RRAS2: variants seen among roughly 807,000 people sequenced by gnomAD.
RRAS2 encodes the protein RAS related 2, also known as ras-related protein R-Ras2.
RRAS2 carries 7 observed loss-of-function variants against 27.6 expected under a neutral mutation model. The ratio of observed to expected loss-of-function variants is 0.25; its 90% CI spans 0.14 to 0.48. RRAS2 has a LOEUF of 0.48. Among genes scored for constraint, RRAS2 ranks in the 20% least tolerant of loss-of-function variants. The pLI is 0.99. For missense variants in RRAS2, 178 were observed against 256.2 expected, an observed-to-expected ratio of 0.69 and a Z score of 2.08; for synonymous variants, 86 against 90.9, an observed-to-expected ratio of 0.95 and a Z score of 0.31.
chr11:14,349,585 C>G (rs1591489411), intron 1 of RRAS2, among the ~76,000 whole-genome samples: 1 of 152,290 alleles, frequency 6.6e-6, no homozygotes, highest in Non-Finnish European at 1.5e-5. Context: ...CAGTGAGAAA[C>G]TGGCTCCCAT....
intron 4 of RRAS2, among the ~76,000 whole-genome samples, chr11:14,284,265 C>T (rs1316015969): frequency 1.3e-5 from 2 of 151,968 alleles, no homozygotes; most frequent in Non-Finnish European, 2.9e-5. Context: ...TTTGTAATTT[C>T]CCTTTTCATT....
At chr11:14,333,639 A>T (rs1321695662) in intron 1 of RRAS2, among the ~76,000 whole-genome samples, 3 of 129,834 alleles carry the variant, frequency 2.3e-5, no homozygotes, top group African/African-American at 5.8e-5. Context: ...TGTTTTCCCC[A>T]CCCCCACCCT....
At position 14,294,783 on chromosome 11, in the gene RRAS2, G is replaced by A; in HGVS notation, c.276C>T (p.Val92=). 1 of 1,613,674 alleles carries A rather than the reference G, an allele frequency of 6.2e-7. No homozygotes were observed. The highest frequency in any genetic ancestry group is 8.5e-7 in the Non-Finnish European group (1 of 1,179,850). ...YMRTGEGFLL[V]FSVTDRGSFE... ...ACCTGCCTCTATCTGTGACTGAAAA[G>A]ACCAACAGGAAGCCTTCGCCAGTCC... The change falls in exon 3 of 6, where the codon GTC becomes GTT. Residue 92 remains valine, a synonymous_variant. Coordinates refer to ENST00000256196, the MANE Select transcript of RRAS2 (RefSeq NM_012250.6).
intron 1 of RRAS2, among the ~76,000 whole-genome samples, chr11:14,298,945 A>G (rs1847627368): frequency 1.3e-5 from 2 of 152,214 alleles, no homozygotes; most frequent in African/African-American, 4.8e-5. Context: ...CAGATCACCA[A>G]TAAGTAATCA....
chr11:14,337,350 CATTATCATGCCTCAACAAGCCAT>C (rs1848609268), intron 1 of RRAS2, among the ~76,000 whole-genome samples: 1 of 152,098 alleles, frequency 6.6e-6, no homozygotes, highest in Non-Finnish European at 1.5e-5. Context: ...CAACTGTTGA[CATTATCATGCCTCAACAAGCCAT>C]ATCATCATGC....
In RRAS2 at chr11:14,358,741, C is replaced by A; in HGVS notation, c.108+22G>T. ...CCCGCCCGCCGCCGCTCCGGCGCCC[C>A]GGGCAGGCCCGCTCCAGGTACCTGG... On this transcript the variant is annotated intron_variant, in intron 1 of 5. Transcript: ENST00000256196. This position sits in a 1 kb window ranked among gnomAD's most constrained non-coding sequence, Gnocchi z 5.1. The A allele has an allele frequency of 2.3e-6, 3 of 1,308,156 alleles. No individual in the cohort carries two copies. Among genetic ancestry groups the A allele is most frequent in the South Asian group, 4.1e-5 (2 of 49,100 alleles). 81.0% of individuals were successfully genotyped at this position (1,308,156 alleles called of 1,614,324 possible).
In RRAS2 at chr11:14,352,781, G is replaced by GGGAGAGA. The variant is rs1848990025; in HGVS notation, c.108+5981_108+5982insTCTCTCC. 3.1e-5 allele frequency among the ~76,000 whole-genome samples: 4 copies of GGGAGAGA among 129,074 alleles called. No homozygotes were observed. The South Asian group carries it at 1.1e-3, about 34-fold the overall frequency. 84.7% of individuals were successfully genotyped at this position (129,074 alleles called of 152,430 possible). Reference sequence around the variant, plus strand: ...TAGAGAGAGAGAGAGAGAGAGAGAGGGAGAGAGAGAGAGAGAGACATTTTT... The same window carrying GGGAGAGA: ...TAGAGAGAGAGAGAGAGAGAGAGAGGGGAGAGAGAGAGAGAGAGAGAGAGACATTTTT... On this transcript the variant is annotated intron_variant, in intron 1 of 5. Coordinates refer to ENST00000256196, the MANE Select transcript of RRAS2 (RefSeq NM_012250.6).
Position 14,358,848 on chromosome 11 carries a change from T to C in RRAS2, c.23A>G (p.Asp8Gly). 1.4e-6 allele frequency: 2 copies of C among 1,476,178 alleles called. No individual in the cohort carries two copies. Among genetic ancestry groups the C allele is most frequent in the Admixed American group, 2.0e-5 (1 of 50,738 alleles). The allele number at this position is 1,476,178 out of a possible 1,614,324, so 91.4% of individuals were successfully genotyped here. ...CCGGTACTTCTCCTGGCCGGAGCCGTCCCGCCAGCCGGCCGCGGCCATGGG... is the reference window on the plus strand; with the variant it reads ...CCGGTACTTCTCCTGGCCGGAGCCGCCCCGCCAGCCGGCCGCGGCCATGGG... MAAAGWR[D>G]GSGQEKYRLV... Residue 8 changes from aspartate to glycine, a missense_variant, in exon 1 of 6, where the codon GAC becomes GGC. Coordinates refer to ENST00000256196, the MANE Select transcript of RRAS2 (RefSeq NM_012250.6). This position sits in a 1 kb window ranked among gnomAD's most constrained non-coding sequence, Gnocchi z 5.1.
intron 1 of RRAS2, among the ~76,000 whole-genome samples, chr11:14,318,519 CA>C (rs782705719): frequency 2.0e-4 from 29 of 143,750 alleles, no homozygotes; most frequent in East Asian, 1.2e-3. Context: ...AACAAACAAA[CA>C]AAAAAAAAAA....
intron 1 of RRAS2, among the ~76,000 whole-genome samples, chr11:14,327,845 T>C (rs1848395984): frequency 6.6e-6 from 1 of 152,200 alleles, no homozygotes; most frequent in South Asian, 2.1e-4. Flanking sequence ...AAGGTTTTAT[T>C]TACTTCTTTC....
At chr11:14,312,546 A>T (rs1847997894) in intron 1 of RRAS2, among the ~76,000 whole-genome samples, 1 of 152,124 alleles carries the variant, frequency 6.6e-6, no homozygotes, top group African/African-American at 2.4e-5. Flanking sequence ...CAGCCTCCTG[A>T]GTAGCTGGGA....
At chr11:14,284,294 G>A (rs182548481) in intron 4 of RRAS2, among the ~76,000 whole-genome samples, 37 of 152,182 alleles carry the variant, frequency 2.4e-4, no homozygotes, top group Non-Finnish European at 2.5e-4. Context: ...CCAAGGGTTA[G>A]TTGGAATATG....
At chr11:14,349,235 T>C (rs1393256958) in intron 1 of RRAS2, among the ~76,000 whole-genome samples, 1 of 151,954 alleles carries the variant, frequency 6.6e-6, no homozygotes, top group Middle Eastern at 3.4e-3. Flanking sequence ...CACTGCAACC[T>C]CCACCTCCCA....
chr11:14,301,944 C>A (rs368564859), intron 1 of RRAS2, among the ~76,000 whole-genome samples: 12 of 152,112 alleles, frequency 7.9e-5, no homozygotes, highest in African/African-American at 2.9e-4. Context: ...GATCATGCCA[C>A]TGCACTCCAG....
intron 1 of RRAS2, chr11:14,354,524 G>A (rs1203366043): frequency 6.6e-6 from 1 of 152,088 alleles, no homozygotes; most frequent in Admixed American, 6.6e-5. Context: ...GGGGAGTATA[G>A]GGTTGAGCCA....
intron 1 of RRAS2, among the ~76,000 whole-genome samples, chr11:14,312,208 G>T (rs761945477): frequency 2.6e-5 from 4 of 152,042 alleles, no homozygotes; most frequent in Admixed American, 1.3e-4. Flanking sequence ...GGGAGAACAC[G>T]GACTAGTTAC....
intron 4 of RRAS2, among the ~76,000 whole-genome samples, chr11:14,286,421 T>C (rs1554945041): frequency 6.6e-6 from 1 of 152,190 alleles, no homozygotes; most frequent in African/African-American, 2.4e-5. Context: ...AGAACAGCAT[T>C]TAGTGTGGCT....
At chr11:14,305,825 A>C (rs912550271) in intron 1 of RRAS2, among the ~76,000 whole-genome samples, 9 of 152,150 alleles carry the variant, frequency 5.9e-5, no homozygotes, top group Non-Finnish European at 1.3e-4. Flanking sequence ...CAAGAGGATC[A>C]CTTGAGCCCA....
At chr11:14,302,637 C>A (rs1228658616) in intron 1 of RRAS2, among the ~76,000 whole-genome samples, 1 of 152,178 alleles carries the variant, frequency 6.6e-6, no homozygotes, top group Non-Finnish European at 1.5e-5. Flanking sequence ...TGCTCCCACT[C>A]CCAGGGAGTA....
Sources: gnomAD v4.1 joint callset for allele counts (sites outside exome capture counted in the v4.1 genomes callset) on GRCh38, gnomAD v4.1.1 for gene constraint, Gnocchi (gnomAD v3.1) non-coding constraint, MANE v1.5 for transcripts, NCBI Gene and HGNC (gene_info 2026-07-23, HGNC 2026-07-21) for gene names.